The following PLCB1 variants were observed in gnomAD, a reference collection of about 807,000 sequenced individuals.
The protein encoded by PLCB1 is phospholipase C beta 1, also known as 1-phosphatidylinositol 4,5-bisphosphate phosphodiesterase beta-1.
In PLCB1, 46 loss-of-function variants were observed where a neutral mutation model predicts 161.8. The observed-to-expected ratio is 0.28, with a 90% CI of 0.22 to 0.36. The LOEUF (loss-of-function observed/expected upper bound fraction) is 0.36, where lower values mean the gene tolerates loss of function less well. PLCB1 is among the 10% of genes least tolerant of loss of function. PLCB1 has a pLI of 1.00. For missense variants in PLCB1, 1,016 were observed against 1,472.5 expected, an observed-to-expected ratio of 0.69 and a Z score of 5.07; for synonymous variants, 517 against 503.7, an observed-to-expected ratio of 1.03 and a Z score of -0.35.
chr20:8,160,979 C>T (rs569433774), intron 2 of PLCB1, among the ~76,000 whole-genome samples: 1 of 152,064 alleles, frequency 6.6e-6, no homozygotes, highest in Admixed American at 6.6e-5. Context: ...AAATAAGTTT[C>T]TCAAATCTAG....
intron 3 of PLCB1, among the ~76,000 whole-genome samples, chr20:8,515,328 T>G (rs1346272667): frequency 1.3e-5 from 2 of 152,234 alleles, no homozygotes; most frequent in Non-Finnish European, 2.9e-5. Flanking sequence ...ACCATTACAG[T>G]AAATTACATT....
At chr20:8,268,221 G>T (rs541757919) in intron 2 of PLCB1, among the ~76,000 whole-genome samples, 111 of 152,074 alleles carry the variant, frequency 7.3e-4, no homozygotes, top group Non-Finnish European at 1.3e-3. Flanking sequence ...GCGGTGTTTG[G>T]TTTTTTGTCC....
chr20:8,752,783 A>G (rs1033708428), intron 23 of PLCB1, among the ~76,000 whole-genome samples: 1 of 147,206 alleles, frequency 6.8e-6, no homozygotes, highest in Non-Finnish European at 1.5e-5. Context: ...ACAGAGTGAG[A>G]CTCCATCTCA....
At chr20:8,781,136 C>G (rs2146211104) in intron 27 of PLCB1, among the ~76,000 whole-genome samples, 1 of 152,196 alleles carries the variant, frequency 6.6e-6, no homozygotes, top group South Asian at 2.1e-4. Context: ...TGTATATGTG[C>G]CAGGAGTAAT....
intron 2 of PLCB1, among the ~76,000 whole-genome samples, chr20:8,186,400 C>A (rs1354790296): frequency 2.0e-5 from 3 of 152,020 alleles, no homozygotes; most frequent in Non-Finnish European, 4.4e-5. Context: ...TTGATGTTGT[C>A]TTTACTTTTA....
chr20:8,550,462 T>A (rs1357508518), intron 3 of PLCB1, among the ~76,000 whole-genome samples: 1 of 152,080 alleles, frequency 6.6e-6, no homozygotes. Context: ...GGCTTCCCCC[T>A]TCCCTCGGCT....
At chr20:8,180,124 C>T (rs940824655) in intron 2 of PLCB1, among the ~76,000 whole-genome samples, 2 of 151,946 alleles carry the variant, frequency 1.3e-5, no homozygotes, top group African/African-American at 4.8e-5. Context: ...TCCCAAAGTG[C>T]TGGGATTACA....
intron 2 of PLCB1, among the ~76,000 whole-genome samples, chr20:8,261,310 G>A (rs577640194): frequency 2.6e-5 from 4 of 152,208 alleles, no homozygotes; most frequent in African/African-American, 9.6e-5. Flanking sequence ...CGCGCTTAGA[G>A]AGCATATTGA....
intron 3 of PLCB1, among the ~76,000 whole-genome samples, chr20:8,550,410 G>A (rs1350620591): frequency 2.6e-5 from 4 of 152,030 alleles, no homozygotes; most frequent in South Asian, 2.1e-4. Flanking sequence ...TTGTTCTCAC[G>A]GTAGTGAGTG....
intron 4 of PLCB1, among the ~76,000 whole-genome samples, chr20:8,630,022 TC>T (rs1988532678): frequency 6.9e-6 from 1 of 145,284 alleles, no homozygotes; most frequent in African/African-American, 2.6e-5. Context: ...CTTTCTTCTT[TC>T]CTTTCTTTCC....
At chr20:8,296,431 T>A (rs1339899942) in intron 2 of PLCB1, among the ~76,000 whole-genome samples, 1 of 152,170 alleles carries the variant, frequency 6.6e-6, no homozygotes, top group Non-Finnish European at 1.5e-5. Context: ...CAAGGACAAG[T>A]ATATGCCCTC....
intron 3 of PLCB1, among the ~76,000 whole-genome samples, chr20:8,430,790 C>T (rs919776005): frequency 6.6e-6 from 1 of 152,042 alleles, no homozygotes; most frequent in African/African-American, 2.4e-5. Flanking sequence ...GACCCCATCT[C>T]TACTAAAAAT....
chr20:8,618,140 T>G (rs1032790782), intron 3 of PLCB1, among the ~76,000 whole-genome samples: 6 of 152,002 alleles, frequency 3.9e-5, no homozygotes, highest in African/African-American at 1.5e-4. Context: ...AAAATATTGG[T>G]TGGGGAGAGA....
At chr20:8,757,865 GAATAAATA>G (rs147856693) in intron 24 of PLCB1, among the ~76,000 whole-genome samples, 59 of 148,860 alleles carry the variant, frequency 4.0e-4, no homozygotes, top group East Asian at 3.6e-3. Flanking sequence ...ATGAATAAAT[GAATAAATA>G]AATAAATAAA....
chr20:8,840,507 C>T (rs1275564207), intron 31 of PLCB1, among the ~76,000 whole-genome samples: 2 of 152,134 alleles, frequency 1.3e-5, no homozygotes, highest in Admixed American at 1.3e-4. Flanking sequence ...TTGCAGGATG[C>T]CTGGCAAAGG....
intron 3 of PLCB1, among the ~76,000 whole-genome samples, chr20:8,470,960 T>C (rs1369062691): frequency 2.6e-5 from 4 of 152,116 alleles, no homozygotes; most frequent in Non-Finnish European, 4.4e-5. Flanking sequence ...ACTAAACAAA[T>C]TGCAATGAGA....
intron 31 of PLCB1, among the ~76,000 whole-genome samples, chr20:8,828,140 T>C (rs1441982202): frequency 6.6e-6 from 1 of 152,048 alleles, no homozygotes; most frequent in Non-Finnish European, 1.5e-5. Flanking sequence ...CTGTGGGATA[T>C]CCTGCATTGG....
rs772081862 is a variant in PLCB1 at position 8,132,740 on chromosome 20, A to G, written c.89A>G (p.Lys30Arg). The G allele has an allele frequency of 6.2e-7, 1 of 1,610,864 alleles. No homozygotes were observed. The highest frequency in any genetic ancestry group is 2.2e-5 in the East Asian group (1 of 44,782). ...CTCAAGAAGGGCACCAAATTCGTCAAGTGGGATGATGTAAGTATTGGGGCG... is the reference window on the plus strand; with the variant it reads ...CTCAAGAAGGGCACCAAATTCGTCAGGTGGGATGATGTAAGTATTGGGGCG... ...DSLKKGTKFV[K>R]WDDDSTIVTP... The change falls in exon 1 of 32, where the codon AAG (lysine) becomes AGG (arginine). Residue 30 changes from lysine to arginine, a missense_variant. Around this residue, in one of 10 missense-constraint regions of PLCB1, gnomAD observed 181 missense variants for 236.7 expected, o/e 0.76. Coordinates refer to ENST00000338037, the MANE Select transcript of PLCB1 (RefSeq NM_015192.4). This position sits in a 1 kb window ranked among gnomAD's most constrained non-coding sequence, Gnocchi z 5.2.
intron 2 of PLCB1, among the ~76,000 whole-genome samples, chr20:8,176,785 A>G (rs751642225): frequency 2.0e-5 from 3 of 152,170 alleles, no homozygotes; most frequent in Non-Finnish European, 4.4e-5. Context: ...CCTCTATATT[A>G]TTACTTACAA....
Sources: gnomAD v4.1 joint callset for allele counts (sites outside exome capture counted in the v4.1 genomes callset) on GRCh38, gnomAD v4.1.1 for gene constraint, gnomAD v4.1.1 regional missense constraint, Gnocchi (gnomAD v3.1) non-coding constraint, MANE v1.5 for transcripts, NCBI Gene and HGNC (gene_info 2026-07-23, HGNC 2026-07-21) for gene names.